The following MAP3K8 variants were observed in gnomAD, a reference collection of about 807,000 sequenced individuals.
MAP3K8 encodes the protein mitogen-activated protein kinase kinase kinase 8, also known as Ewing sarcoma transformant.
MAP3K8 carries 22 observed loss-of-function variants against 45.8 expected under a neutral mutation model. The ratio of observed to expected loss-of-function variants is 0.48; its 90% CI spans 0.34 to 0.69. The LOEUF (loss-of-function observed/expected upper bound fraction) is 0.69. MAP3K8 is among the 30% of genes least tolerant of loss of function. The probability of loss-of-function intolerance (pLI) is 0.01; values close to 1 mark genes in which losing one functional copy is unlikely to be tolerated. For missense variants in MAP3K8, 419 were observed against 585.0 expected, an observed-to-expected ratio of 0.72 and a Z score of 2.93; for synonymous variants, 223 against 214.3, an observed-to-expected ratio of 1.04 and a Z score of -0.36.
At chr10:30,454,347 G>A in intron 6 of MAP3K8, among the ~76,000 whole-genome samples, 1 of 152,002 alleles carries the variant, frequency 6.6e-6, no homozygotes, top group East Asian at 1.9e-4. Flanking sequence ...GATTCTTCCA[G>A]CCTGGGCAAC....
chr10:30,441,994 G>C (rs1370381040), intron 3 of MAP3K8, among the ~76,000 whole-genome samples: 1 of 152,206 alleles, frequency 6.6e-6, no homozygotes, highest in Admixed American at 6.5e-5. Context: ...GCAGCTGATT[G>C]GTTCCTAGGT....
rs190610498 is a variant in MAP3K8 at position 30,460,744 on chromosome 10, C to A, written c.1312C>A (p.Leu438Ile). 3.1e-6 allele frequency: 5 copies of A among 1,613,506 alleles called. No homozygotes were observed. In the East Asian group the frequency reaches 6.7e-5, roughly 22 times the overall value. Residue 438 changes from leucine (L) to isoleucine (I), a missense_variant, in exon 9 of 9, where the codon CTC becomes ATC. Physicochemically the swap from Leu to Ile is conservative, Grantham distance 5. This residue lies in a region of MAP3K8 where 108 missense variants were observed against 124.2 expected (regional missense o/e 0.87). Transcript: ENST00000263056. ...AGGAAGCACCGAGGAATCTGAGATG[C>A]TCAAGAGGCAACGCTCTCTCTACAT... is the stretch of plus-strand genomic sequence containing the variant. ...CTGSTEESEM[L>I]KRQRSLYIDL...
intron 6 of MAP3K8, among the ~76,000 whole-genome samples, chr10:30,456,131 GAGA>G (rs1031717991): frequency 2.6e-5 from 4 of 152,244 alleles, no homozygotes; most frequent in African/African-American, 9.6e-5. Flanking sequence ...GGGTACAGGA[GAGA>G]AGATAGGCAT....
Position 30,447,794 on chromosome 10 carries a change from C to G in MAP3K8, c.349C>G (p.Gln117Glu). 6.2e-7 allele frequency: 1 copy of G among 1,613,704 alleles called. No homozygotes were observed. The highest frequency in any genetic ancestry group is 8.5e-7 in the Non-Finnish European group (1 of 1,179,842). Residue 117 changes from glutamine to glutamate, a missense_variant, in exon 4 of 9, where the codon CAA becomes GAA. Coordinates refer to ENST00000263056, the MANE Select transcript of MAP3K8 (RefSeq NM_005204.4). ...TATTTTGTTGTAGGTCATCACTCCC[C>G]AAAATGGACGTTACCAAATAGATTC... ...GILLNMVITP[Q>E]NGRYQIDSDV...
At chr10:30,451,489 T>A in intron 5 of MAP3K8, 149 bp from the exon 6 acceptor site, 1 of 460,444 alleles carries the variant, frequency 2.2e-6, no homozygotes, top group Non-Finnish European at 3.9e-6. Context: ...AATTTCATTC[T>A]CCTCTTTTGA....
rs80016859 is a variant in MAP3K8, at chr10:30,449,204, G to C, written c.505-1054G>C. Among the ~76,000 whole-genome samples the C allele has an allele frequency of 2.7e-4, 41 of 152,208 alleles. No homozygotes were observed. In the East Asian group the frequency reaches 7.7e-3, roughly 29 times the overall value. On this transcript the variant is annotated intron_variant, in intron 4 of 8. Transcript: ENST00000263056. ...AGTAGCGACTGGAAGGGGCCAAGAGGGGGGCTTCTTGAATGCTAGTAGACA... is the reference window on the plus strand; with the variant it reads ...AGTAGCGACTGGAAGGGGCCAAGAGCGGGGCTTCTTGAATGCTAGTAGACA...
At chr10:30,458,259 TGGGGGCGGCGGGG>T (rs1255851984) in intron 7 of MAP3K8, 23 bp downstream of exon 7, 5 of 448,872 alleles carry the variant, frequency 1.1e-5, no homozygotes, top group African/African-American at 9.2e-5. Context: ...CAACCAGGGC[TGGGGGCGGCGGGG>T]GGGGGCGTTG....
At chr10:30,446,542 A>G (rs1165889049) in intron 3 of MAP3K8, among the ~76,000 whole-genome samples, 1 of 151,870 alleles carries the variant, frequency 6.6e-6, no homozygotes, top group East Asian at 1.9e-4. Context: ...CTCAAAAAAA[A>G]AAAAAAAAAG....
At chr10:30,453,888 AAAG>A (rs368147532) in intron 6 of MAP3K8, among the ~76,000 whole-genome samples, 35 of 137,048 alleles carry the variant, frequency 2.6e-4, no homozygotes, top group African/African-American at 1.0e-3. Context: ...AAAAAGAAAA[AAAG>A]AAGGAAGGGA....
intron 6 of MAP3K8, among the ~76,000 whole-genome samples, chr10:30,456,681 TA>T (rs1398249815): frequency 6.6e-6 from 1 of 152,108 alleles, no homozygotes; most frequent in African/African-American, 2.4e-5. Flanking sequence ...TGTTCCTTTT[TA>T]AAAAAATGTT....
At chr10:30,446,333 G>A (rs1836336695) in intron 3 of MAP3K8, among the ~76,000 whole-genome samples, 1 of 152,136 alleles carries the variant, frequency 6.6e-6, no homozygotes. Flanking sequence ...TCAGGAGTTT[G>A]AGACCAGCCT....
In MAP3K8 at chr10:30,439,002, A is replaced by T; in HGVS notation, c.64A>T (p.Asn22Tyr). 1 of 1,612,612 alleles carries T rather than the reference A, an allele frequency of 6.2e-7. No homozygotes were observed. Among genetic ancestry groups the T allele is most frequent in the South Asian group, 1.1e-5 (1 of 91,042 alleles). ...GATTGATTTATTAATTAAACATTTA[A>T]ATGTGTCTGATGTAATAGACATTAT... is the stretch of plus-strand genomic sequence containing the variant. ...EEIDLLIKHL[N>Y]VSDVIDIMEN... The change falls in exon 3 of 9, where the codon AAT becomes TAT. Residue 22 changes from asparagine to tyrosine, a missense_variant. By Grantham distance (143) the Asn-to-Tyr change is moderately radical. Coordinates refer to ENST00000263056, the MANE Select transcript of MAP3K8 (RefSeq NM_005204.4).
intron 5 of MAP3K8, 42 bp downstream of exon 5, chr10:30,450,561 T>A: frequency 6.3e-7 from 1 of 1,591,912 alleles, no homozygotes; most frequent in South Asian, 1.1e-5. Flanking sequence ...TCAAAGAGAC[T>A]AGTTATTCAG....
chr10:30,450,135 A>G, intron 4 of MAP3K8, 123 bp from the exon 5 acceptor site: 1 of 844,582 alleles, frequency 1.2e-6, no homozygotes, highest in East Asian at 2.7e-5. Flanking sequence ...GTCCATTTTC[A>G]CACAGGGCAG....
At chr10:30,440,772 A>G (rs1024176189) in intron 3 of MAP3K8, among the ~76,000 whole-genome samples, 2 of 152,140 alleles carry the variant, frequency 1.3e-5, no homozygotes, top group African/African-American at 2.4e-5. Context: ...TCTCATTTTT[A>G]ACGTATTTAT....
At chr10:30,445,855 A>G (rs1836308275) in intron 3 of MAP3K8, among the ~76,000 whole-genome samples, 1 of 152,212 alleles carries the variant, frequency 6.6e-6, no homozygotes, top group Non-Finnish European at 1.5e-5. Flanking sequence ...CTAATAGTGA[A>G]CACATCTGTT....
At chr10:30,457,231 A>G (rs1836767649) in intron 6 of MAP3K8, among the ~76,000 whole-genome samples, 1 of 152,242 alleles carries the variant, frequency 6.6e-6, no homozygotes, top group South Asian at 2.1e-4. Context: ...TGGACTCATG[A>G]GACCAAATAT....
At chr10:30,459,627 C>T (rs1311197037) in intron 8 of MAP3K8, 126 bp downstream of exon 8, 1 of 1,132,036 alleles carries the variant, frequency 8.8e-7, no homozygotes, top group Non-Finnish European at 1.2e-6. Flanking sequence ...CCATACCTTG[C>T]TTGAGAAATT....
intron 4 of MAP3K8, 81 bp from the exon 5 acceptor site, chr10:30,450,177 T>G: frequency 7.2e-7 from 1 of 1,384,178 alleles, no homozygotes; most frequent in Non-Finnish European, 9.8e-7. Context: ...TTGCCTTTTG[T>G]TTTTTGCATT....
Sources: allele counts gnomAD v4.1 joint callset (sites outside exome capture counted in the v4.1 genomes callset), GRCh38; gene constraint gnomAD v4.1.1; regional missense constraint gnomAD v4.1.1; transcripts MANE v1.5; gene names NCBI Gene and HGNC (gene_info 2026-07-23, HGNC 2026-07-21).